Variants in MOXD1 observed in about 807,000 individuals in gnomAD.
The protein encoded by MOXD1 is monooxygenase DBH like 1.
Under a neutral mutation model 66.6 loss-of-function variants are expected in MOXD1, and 62 were observed. The ratio of observed to expected loss-of-function variants is 0.93; its 90% CI spans 0.76 to 1.15. The LOEUF (loss-of-function observed/expected upper bound fraction) is 1.15. Among genes scored for constraint, MOXD1 ranks in the 50% most tolerant of loss-of-function variants. MOXD1 has a pLI of 0.00. For synonymous variants in MOXD1, 303 were observed against 281.9 expected (o/e 1.07, Z -0.75); for missense variants, 847 against 754.6 (o/e 1.12, Z -1.44).
At chr6:132,383,898 C>T (rs368645892) in intron 1 of MOXD1, among the ~76,000 whole-genome samples, 10 of 152,112 alleles carry the variant, frequency 6.6e-5, no homozygotes, top group South Asian at 6.2e-4. Context: ...AGTGAAACCC[C>T]ATCTCTACTA....
chr6:132,401,329 G>C lies in MOXD1; in HGVS notation c.98C>G (p.Ser33Trp). 1 of 1,587,252 alleles carries C rather than the reference G, an allele frequency of 6.3e-7. No homozygotes were observed. Among genetic ancestry groups the C allele is most frequent in the Non-Finnish European group, 8.5e-7 (1 of 1,171,778 alleles). Residue 33 changes from serine (S) to tryptophan (W), a missense_variant, in exon 1 of 12, where the codon TCG (serine) becomes TGG (tryptophan). Ser to Trp is a radical substitution (Grantham distance 177, BLOSUM62 -3). Transcript: ENST00000367963. ...RTYPHRTLLD[S>W]EGKYWLGWSQ... ...CCAGCCCAGCCAGTACTTGCCCTCC[G>C]AGTCCAGGAGGGTCCGGTGCGGATA... is the stretch of plus-strand genomic sequence containing the variant.
At chr6:132,369,550 T>C (rs1776222639) in intron 4 of MOXD1, among the ~76,000 whole-genome samples, 1 of 152,038 alleles carries the variant, frequency 6.6e-6, no homozygotes, top group Admixed American at 6.6e-5. Flanking sequence ...CGGGCATATC[T>C]GAATTGCTAG....
chr6:132,341,228 C>G (rs953096771), intron 4 of MOXD1, among the ~76,000 whole-genome samples: 2 of 152,174 alleles, frequency 1.3e-5, no homozygotes, highest in Non-Finnish European at 2.9e-5. Context: ...AGACTGGGTT[C>G]ATTCTCATGC....
chr6:132,398,487 G>A (rs925257080), intron 1 of MOXD1, among the ~76,000 whole-genome samples: 1 of 152,108 alleles, frequency 6.6e-6, no homozygotes, highest in Non-Finnish European at 1.5e-5. Context: ...CATACACCCT[G>A]GTGTAATTGT....
chr6:132,374,981 A>G (rs1378376775), intron 1 of MOXD1: 27 of 603,942 alleles, frequency 4.5e-5, no homozygotes, highest in Non-Finnish European at 7.9e-5. Flanking sequence ...AGGAAAGCAT[A>G]GTGTAGACTG....
At position 132,315,630 on chromosome 6, in the gene MOXD1, C is replaced by T. The variant is rs748077986; in HGVS notation, c.1508+5G>A. On this transcript the variant is annotated splice_donor_5th_base_variant and intron_variant, in intron 10 of 11. Transcript: ENST00000367963. ...ACCCCATCATAAAATACATTTACTA[C>T]TTACGTGACTGGTCTGTAGATCTCC... 1.2e-5 allele frequency: 19 copies of T among 1,606,058 alleles called. No homozygotes were observed. Among genetic ancestry groups the T allele is most frequent in the East Asian group, 9.0e-5 (4 of 44,682 alleles).
intron 4 of MOXD1, among the ~76,000 whole-genome samples, chr6:132,371,818 A>G (rs1776268071): frequency 6.6e-6 from 1 of 152,182 alleles, no homozygotes; most frequent in African/African-American, 2.4e-5. Context: ...ACTGACAGAA[A>G]GGCAGCAACA....
At chr6:132,340,638 ATT>A (rs869205496) in intron 4 of MOXD1, among the ~76,000 whole-genome samples, 2,551 of 98,752 alleles carry the variant, frequency 0.026, 380 homozygotes, top group African/African-American at 0.097. Context: ...AACAAGACTC[ATT>A]TTTTTTTTTT....
intron 4 of MOXD1, among the ~76,000 whole-genome samples, chr6:132,355,072 C>T (rs984591117): frequency 1.3e-5 from 2 of 152,166 alleles, no homozygotes; most frequent in African/African-American, 4.8e-5. Context: ...CCAGACTAGC[C>T]ACTTCCCAGG....
chr6:132,393,985 C>A (rs919826271), intron 1 of MOXD1, among the ~76,000 whole-genome samples: 1 of 152,218 alleles, frequency 6.6e-6, no homozygotes, highest in African/African-American at 2.4e-5. Flanking sequence ...ACTGCCATTG[C>A]CACAGCATAC....
chr6:132,297,169 C>T lies in MOXD1; in HGVS notation c.1826G>A (p.Ser609Asn). The T allele has an allele frequency of 6.2e-7, 1 of 1,613,242 alleles. No individual in the cohort carries two copies. The highest frequency in any genetic ancestry group is 8.5e-7 in the Non-Finnish European group (1 of 1,179,500). Residue 609 changes from serine to asparagine, a missense_variant, in exon 12 of 12, where the codon AGC (serine) becomes AAC (asparagine). Transcript: ENST00000367963. Reference protein sequence around the residue: ...VCLLLLSCTLSTKSL With the variant: ...VCLLLLSCTLNTKSL ...GAATTTTGATCACAAGCTCTTGGTG[C>T]TCAGCGTGCAGCTGAGTAGCAGAAG...
At chr6:132,366,714 A>G (rs1776148625) in intron 4 of MOXD1, among the ~76,000 whole-genome samples, 1 of 152,072 alleles carries the variant, frequency 6.6e-6, no homozygotes, top group Non-Finnish European at 1.5e-5. Context: ...CATTTCAGAA[A>G]CGTGTTAATG....
chr6:132,316,522 TGA>T (rs1206037436), intron 9 of MOXD1, among the ~76,000 whole-genome samples: 2 of 151,654 alleles, frequency 1.3e-5, no homozygotes, highest in Non-Finnish European at 2.9e-5. Flanking sequence ...CAAAAATGAG[TGA>T]ACAGAAAAAG....
At chr6:132,302,393 C>T (rs930933117) in intron 10 of MOXD1, among the ~76,000 whole-genome samples, 7 of 151,958 alleles carry the variant, frequency 4.6e-5, no homozygotes, top group Non-Finnish European at 8.8e-5. Context: ...AAATGTGAAT[C>T]TAAACTAGAA....
intron 4 of MOXD1, among the ~76,000 whole-genome samples, chr6:132,356,412 A>G (rs1775911374): frequency 1.3e-5 from 2 of 152,232 alleles, no homozygotes; most frequent in South Asian, 4.1e-4. Context: ...TCAAGAAGGG[A>G]TGAGAAAATA....
intron 4 of MOXD1, among the ~76,000 whole-genome samples, chr6:132,356,759 A>G (rs1775917305): frequency 6.6e-6 from 1 of 152,156 alleles, no homozygotes; most frequent in Admixed American, 6.5e-5. Context: ...AATTCAAAGT[A>G]ATAGATATAG....
At chr6:132,355,033 A>T (rs1468754410) in intron 4 of MOXD1, among the ~76,000 whole-genome samples, 1 of 152,158 alleles carries the variant, frequency 6.6e-6, no homozygotes, top group Non-Finnish European at 1.5e-5. Context: ...GTTTCCAGGC[A>T]GTAGATGAGC....
At chr6:132,345,130 C>T (rs886780115) in intron 4 of MOXD1, among the ~76,000 whole-genome samples, 5 of 151,984 alleles carry the variant, frequency 3.3e-5, no homozygotes, top group African/African-American at 1.2e-4. Context: ...AAAGTGGCAT[C>T]GAAAAACATC....
Position 132,401,231 on chromosome 6 carries a change from G to T in MOXD1, c.196C>A (p.Pro66Thr). ...TAGYVGFGFS[P>T]TGAMASADIV... is the part of the protein sequence containing the mutation. ...TCGGCGGACGCCATGGCCCCGGTGG[G>T]CGAGAAGCCGAAGCCCACGTAGCCT... The change falls in exon 1 of 12, where the codon CCC becomes ACC. Residue 66 changes from proline (P) to threonine (T), a missense_variant. Physicochemically the swap from Pro to Thr is conservative, Grantham distance 38. Transcript: ENST00000367963. 1 of 1,582,966 alleles carries T rather than the reference G, an allele frequency of 6.3e-7. No homozygotes were observed. The highest frequency in any genetic ancestry group is 8.5e-7 in the Non-Finnish European group (1 of 1,172,316).
Sources: allele counts gnomAD v4.1 joint callset (sites outside exome capture counted in the v4.1 genomes callset), GRCh38; gene constraint gnomAD v4.1.1; transcripts MANE v1.5; gene names NCBI Gene and HGNC (gene_info 2026-07-23, HGNC 2026-07-21).